AK4: variants seen among roughly 807,000 people sequenced by gnomAD.
AK4 encodes the protein adenylate kinase 4, mitochondrial.
In AK4, 13 loss-of-function variants were observed where a neutral mutation model predicts 24.6. The observed-to-expected ratio is 0.53, with a 90% CI of 0.34 to 0.84. The LOEUF (loss-of-function observed/expected upper bound fraction) is 0.84. Among genes scored for constraint, AK4 ranks in the 40% least tolerant of loss-of-function variants. The pLI is 0.01. For missense variants in AK4, 192 were observed against 288.2 expected (o/e 0.67, Z 2.42); for synonymous variants, 88 against 107.0 (o/e 0.82, Z 1.10).
At chr1:65,200,458 C>T (rs1651628839) in intron 2 of AK4, among the ~76,000 whole-genome samples, 1 of 152,110 alleles carries the variant, frequency 6.6e-6, no homozygotes, top group Non-Finnish European at 1.5e-5. Flanking sequence ...TTGAATTACA[C>T]AGGAAATACC....
At chr1:65,216,918 C>T (rs143753648) in intron 2 of AK4, among the ~76,000 whole-genome samples, 3 of 152,228 alleles carry the variant, frequency 2.0e-5, no homozygotes, top group Non-Finnish European at 4.4e-5. Flanking sequence ...CCAGGCTGGC[C>T]TTGAATTCCT....
chr1:65,182,796 T>G (rs1174188589), intron 1 of AK4, among the ~76,000 whole-genome samples: 3 of 152,210 alleles, frequency 2.0e-5, no homozygotes, highest in Non-Finnish European at 4.4e-5. Context: ...GCTGGCAGAT[T>G]CATTGTTTGA....
intron 1 of AK4, among the ~76,000 whole-genome samples, chr1:65,168,483 G>A (rs1650406572): frequency 6.6e-6 from 1 of 151,848 alleles, no homozygotes; most frequent in East Asian, 1.9e-4. Context: ...AAAGATGAGG[G>A]TCTCTGTTAT....
At chr1:65,190,912 G>C in intron 2 of AK4, 83 bp downstream of exon 2, 1 of 1,445,768 alleles carries the variant, frequency 6.9e-7, no homozygotes. Context: ...TTACCGAATG[G>C]AAAATGCCTT....
At chr1:65,196,354 G>A (rs1477223411) in intron 2 of AK4, among the ~76,000 whole-genome samples, 2 of 152,276 alleles carry the variant, frequency 1.3e-5, no homozygotes, top group South Asian at 2.1e-4. Context: ...GATGTGGGGA[G>A]GGGAGGGAGG....
intron 2 of AK4, among the ~76,000 whole-genome samples, chr1:65,203,065 A>T (rs1651712868): frequency 6.6e-6 from 1 of 151,640 alleles, no homozygotes; most frequent in Non-Finnish European, 1.5e-5. Context: ...TAGAAATGGG[A>T]TTTTGCTATG....
intron 1 of AK4, among the ~76,000 whole-genome samples, chr1:65,170,873 C>T (rs1650494181): frequency 6.6e-6 from 1 of 151,976 alleles, no homozygotes; most frequent in African/African-American, 2.4e-5. Flanking sequence ...CAAAGCAGCC[C>T]TCTGTTAAGG....
In AK4 at chr1:65,226,013, C is replaced by T. The variant is rs930158726; in HGVS notation, c.558-50C>T. The stretch of plus-strand genomic sequence containing the variant: ...ATATCTAGGATCTTCTGCACTAATA[C>T]GTGGAAAAGAAACCTAAAAAGCCAT... On this transcript the variant is annotated intron_variant, in intron 4 of 4. Coordinates refer to ENST00000327299, the MANE Select transcript of AK4 (RefSeq NM_013410.4). The T allele has an allele frequency of 7.6e-6, 12 of 1,569,142 alleles. No individual in the cohort carries two copies. In the Admixed American group the frequency reaches 1.7e-4, roughly 23 times the overall value.
chr1:65,202,907 T>C (rs2101059414), intron 2 of AK4, among the ~76,000 whole-genome samples: 1 of 119,384 alleles, frequency 8.4e-6, no homozygotes, highest in Admixed American at 9.7e-5. Flanking sequence ...GGTTGTGCTC[T>C]GTCACCCAGA....
chr1:65,220,882 ATC>A (rs1652275377), intron 3 of AK4, among the ~76,000 whole-genome samples: 1 of 152,110 alleles, frequency 6.6e-6, no homozygotes. Context: ...TGAGTGTGTG[ATC>A]TATAGCTTTA....
intron 1 of AK4, among the ~76,000 whole-genome samples, chr1:65,152,316 A>ATCTCTCTCTCTCTCTC (rs1158775260): frequency 9.2e-5 from 3 of 32,502 alleles, no homozygotes; most frequent in Non-Finnish European, 1.8e-4. Context: ...TGCACTTGCT[A>ATCTCTCTCTCTCTCTC]TCTCTCTCTC....
intron 1 of AK4, among the ~76,000 whole-genome samples, chr1:65,164,234 G>T (rs2100997484): frequency 6.6e-6 from 1 of 152,236 alleles, no homozygotes; most frequent in South Asian, 2.1e-4. Flanking sequence ...AGTTAGTTTG[G>T]CCTACACCCA....
intron 1 of AK4, among the ~76,000 whole-genome samples, chr1:65,180,647 T>C (rs1310449296): frequency 6.6e-6 from 1 of 152,260 alleles, no homozygotes; most frequent in Non-Finnish European, 1.5e-5. Context: ...ACTTATAGAA[T>C]GAAGTCTTTC....
At position 65,180,433 on chromosome 1, in the gene AK4, A is replaced by G. The variant is rs1650861057; in HGVS notation, c.146-10277A>G. The stretch of plus-strand genomic sequence containing the variant: ...TTTGGTATGAAGGAAAAGAAAGTCA[A>G]GCTTTGAACAAATACCAATTGAAAG... On this transcript the variant is annotated intron_variant, in intron 1 of 4. Transcript: ENST00000327299. Among the ~76,000 whole-genome samples the G allele has an allele frequency of 3.9e-5, 6 of 152,340 alleles. No individual in the cohort carries two copies. In the South Asian group the frequency reaches 1.0e-3, roughly 26 times the overall value.
At chr1:65,212,646 G>A (rs1311641546) in intron 2 of AK4, among the ~76,000 whole-genome samples, 1 of 151,800 alleles carries the variant, frequency 6.6e-6, no homozygotes, top group Non-Finnish European at 1.5e-5. Context: ...GCACTACCAC[G>A]CCCACCTAAT....
chr1:65,191,304 T>C (rs1312325907), intron 2 of AK4, among the ~76,000 whole-genome samples: 1 of 152,210 alleles, frequency 6.6e-6, no homozygotes, highest in Non-Finnish European at 1.5e-5. Flanking sequence ...ATATATACTT[T>C]CTGATCCAGC....
rs145448709 is a variant in AK4 at position 65,186,822 on chromosome 1, C to T, written c.146-3888C>T. Among the ~76,000 whole-genome samples, 6 of 152,174 alleles carry T rather than the reference C, an allele frequency of 3.9e-5. No individual in the cohort carries two copies. In the East Asian group the frequency reaches 9.7e-4, roughly 25 times the overall value. On this transcript the variant is annotated intron_variant, in intron 1 of 4. Coordinates refer to ENST00000327299, the MANE Select transcript of AK4 (RefSeq NM_013410.4). ...ACATAGATACCACACAGGTATTACC[C>T]AAGAGAACTGAAAACATACACTCAC...
chr1:65,169,060 C>G (rs967115891), intron 1 of AK4, among the ~76,000 whole-genome samples: 2 of 151,496 alleles, frequency 1.3e-5, no homozygotes, highest in Non-Finnish European at 2.9e-5. Flanking sequence ...CCGGTAGTCC[C>G]AGCTACTAGG....
At chr1:65,169,228 T>C (rs1650433369) in intron 1 of AK4, among the ~76,000 whole-genome samples, 1 of 151,766 alleles carries the variant, frequency 6.6e-6, no homozygotes, top group Admixed American at 6.6e-5. Context: ...ACACTTAGCC[T>C]AAATATTGCA....
Sources: gnomAD v4.1 joint callset for allele counts (sites outside exome capture counted in the v4.1 genomes callset) on GRCh38, gnomAD v4.1.1 for gene constraint, MANE v1.5 for transcripts, NCBI Gene and HGNC (gene_info 2026-07-23, HGNC 2026-07-21) for gene names.